Variants in RGL1 observed in about 807,000 individuals in gnomAD.
The protein encoded by RGL1 is ral guanine nucleotide dissociation stimulator like 1.
A neutral mutation model predicts 95.2 loss-of-function variants in RGL1; 24 were observed. The ratio of observed to expected loss-of-function variants is 0.25; its 90% CI spans 0.18 to 0.35. RGL1 has a LOEUF of 0.35. Ranked by LOEUF, RGL1 falls within the 10% of genes least tolerant of loss-of-function variation. The pLI is 1.00. For synonymous variants in RGL1, 329 were observed against 344.9 expected (o/e 0.95, Z 0.51); for missense variants, 715 against 936.3 (o/e 0.76, Z 3.08).
At chr1:183,852,989 G>A (rs1664918819) in intron 3 of RGL1, among the ~76,000 whole-genome samples, 1 of 152,038 alleles carries the variant, frequency 6.6e-6, no homozygotes, top group African/African-American at 2.4e-5. Flanking sequence ...GCTCCCTTTT[G>A]GGCCATTTCT....
chr1:183,873,518 G>A (rs1447740713), intron 4 of RGL1, among the ~76,000 whole-genome samples: 1 of 152,176 alleles, frequency 6.6e-6, no homozygotes, highest in Non-Finnish European at 1.5e-5. Flanking sequence ...CCGTCCAACT[G>A]ACTCCAAGAC....
chr1:183,752,544 A>C (rs1371589567), intron 2 of RGL1, among the ~76,000 whole-genome samples: 1 of 152,108 alleles, frequency 6.6e-6, no homozygotes, highest in Non-Finnish European at 1.5e-5. Flanking sequence ...TAATTTTTTA[A>C]ATCTAGATGA....
At chr1:183,675,017 A>G (rs887814893) in intron 1 of RGL1, among the ~76,000 whole-genome samples, 1 of 152,228 alleles carries the variant, frequency 6.6e-6, no homozygotes, top group Admixed American at 6.5e-5. Context: ...GCTGAAAGCT[A>G]TTTTACACAT....
chr1:183,705,267 C>T lies in RGL1; in HGVS notation c.-32-36859C>T, dbSNP rs748205159. 1.1e-4 allele frequency among the ~76,000 whole-genome samples: 17 copies of T among 151,994 alleles called. 1 individual carries two copies. The highest frequency in any genetic ancestry group is 3.4e-3 in the Middle Eastern group (1 of 294). On this transcript the variant is annotated intron_variant, in intron 1 of 18. Coordinates refer to the RGL1 transcript ENST00000304685. ...AGGGACTGGAGGAGGGATATGCCAT[C>T]GGTTGTGAGCCCTCGGGTTTGCGGG...
intron 16 of RGL1, among the ~76,000 whole-genome samples, chr1:183,919,231 G>C (rs1241314875): frequency 2.0e-5 from 3 of 152,268 alleles, no homozygotes; most frequent in Admixed American, 2.0e-4. Flanking sequence ...GAGAAGTGTG[G>C]CATTGTTTTC....
At chr1:183,648,359 G>A (rs141276960) in intron 1 of RGL1, 2 of 1,614,122 alleles carry the variant, frequency 1.2e-6, no homozygotes, top group Non-Finnish European at 1.7e-6. Flanking sequence ...ACGTAATCAG[G>A]AAATTATACA....
At chr1:183,902,332 A>C (rs1043566489) in intron 11 of RGL1, among the ~76,000 whole-genome samples, 3 of 152,164 alleles carry the variant, frequency 2.0e-5, no homozygotes, top group Non-Finnish European at 4.4e-5. Context: ...TATCATTACT[A>C]TTTTAGTTGG....
intron 15 of RGL1, among the ~76,000 whole-genome samples, chr1:183,914,871 T>C (rs1668865845): frequency 2.0e-5 from 3 of 152,132 alleles, no homozygotes; most frequent in African/African-American, 7.2e-5. Context: ...AAAAATTGAA[T>C]GAATAATTGG....
chr1:183,678,473 G>A (rs1652981386), intron 1 of RGL1, among the ~76,000 whole-genome samples: 4 of 152,252 alleles, frequency 2.6e-5, no homozygotes, highest in Admixed American at 2.0e-4. Context: ...CTAAAAAGTA[G>A]GCACTATAAT....
At chr1:183,752,558 A>G (rs1658070549) in intron 2 of RGL1, among the ~76,000 whole-genome samples, 1 of 152,072 alleles carries the variant, frequency 6.6e-6, no homozygotes, top group Non-Finnish European at 1.5e-5. Context: ...TAGATGATAT[A>G]AAATAGAATC....
chr1:183,698,666 A>G (rs191269798), intron 1 of RGL1, among the ~76,000 whole-genome samples: 10 of 152,392 alleles, frequency 6.6e-5, no homozygotes, highest in Non-Finnish European at 8.8e-5. Context: ...GCACTCTAAT[A>G]TAGTTAACAC....
At chr1:183,845,805 G>C (rs1664384228) in intron 2 of RGL1, among the ~76,000 whole-genome samples, 1 of 152,154 alleles carries the variant, frequency 6.6e-6, no homozygotes, top group Non-Finnish European at 1.5e-5. Context: ...CTATCAACAT[G>C]ATTTCAACTG....
chr1:183,831,733 TTTAA>T (rs1394032569), intron 2 of RGL1, among the ~76,000 whole-genome samples: 2 of 152,220 alleles, frequency 1.3e-5, no homozygotes, highest in Admixed American at 6.5e-5. Flanking sequence ...AACATATCCA[TTTAA>T]TTAATATTCA....
chr1:183,866,090 T>A lies in RGL1; in HGVS notation c.425+17T>A, dbSNP rs1474101032. ...GATCAGGAAGTGAGTCTCCCTTTTC[T>A]TTGCATTCTAAGCTCTCAGTCAAGA... On this transcript the variant is annotated intron_variant, in intron 4 of 17. Transcript: ENST00000360851. 1.9e-6 allele frequency: 3 copies of A among 1,584,900 alleles called. No individual in the cohort carries two copies. Among genetic ancestry groups the A allele is most frequent in the Non-Finnish European group, 2.6e-6 (3 of 1,153,494 alleles).
At chr1:183,924,175 T>C (rs1669478643) in intron 17 of RGL1, among the ~76,000 whole-genome samples, 1 of 152,192 alleles carries the variant, frequency 6.6e-6, no homozygotes, top group Admixed American at 6.5e-5. Context: ...CACATATGTT[T>C]ATTGCAGCAC....
In RGL1 at chr1:183,868,759, G is replaced by A. The variant is rs558222220; in HGVS notation, c.425+2686G>A. On this transcript the variant is annotated intron_variant, in intron 4 of 17. Coordinates refer to ENST00000360851, the MANE Select transcript of RGL1 (RefSeq NM_001297671.3). ...TATTATACACATATTTTGGAACTCA[G>A]TCCAATCTAGAGCTGCCATTCAATT... Among the ~76,000 whole-genome samples the A allele has an allele frequency of 2.0e-5, 3 of 152,302 alleles. No homozygotes were observed. The South Asian group carries it at 6.2e-4, about 32-fold the overall frequency.
At chr1:183,687,438 A>G (rs1055568229) in intron 1 of RGL1, among the ~76,000 whole-genome samples, 1 of 152,240 alleles carries the variant, frequency 6.6e-6, no homozygotes, top group African/African-American at 2.4e-5. Context: ...TAGCGTTGAA[A>G]GAACTGAAAA....
At chr1:183,715,266 G>GT (rs775917856) in intron 1 of RGL1, among the ~76,000 whole-genome samples, 21 of 151,164 alleles carry the variant, frequency 1.4e-4, no homozygotes, top group South Asian at 1.0e-3. Context: ...TGTTTTTTTT[G>GT]TTTTTTTTAG....
intron 1 of RGL1, among the ~76,000 whole-genome samples, chr1:183,655,961 G>A (rs1407654379): frequency 6.6e-6 from 1 of 152,082 alleles, no homozygotes; most frequent in Non-Finnish European, 1.5e-5. Context: ...AACAGTGATG[G>A]GAGGCCATTG....
Sources: gnomAD v4.1 joint callset for allele counts (sites outside exome capture counted in the v4.1 genomes callset) on GRCh38, gnomAD v4.1.1 for gene constraint, MANE v1.5 for transcripts, NCBI Gene and HGNC (gene_info 2026-07-23, HGNC 2026-07-21) for gene names.